CYP4A11: variants seen among roughly 807,000 people sequenced by gnomAD.
CYP4A11 encodes the protein cytochrome P450 4A11.
In CYP4A11, 52 loss-of-function variants were observed where a neutral mutation model predicts 57.7. That is an observed-to-expected ratio of 0.90 (90% confidence interval 0.72 to 1.14). CYP4A11 has a LOEUF of 1.14. Ranked by LOEUF, CYP4A11 falls within the 50% of genes most tolerant of loss-of-function variation. CYP4A11 has a pLI of 0.00. For missense variants in CYP4A11, 641 were observed against 642.1 expected (o/e 1.00, Z 0.02); for synonymous variants, 228 against 247.1 (o/e 0.92, Z 0.72).
chr1:46,933,226 A>T (rs776699271), intron 9 of CYP4A11, among the ~76,000 whole-genome samples, 179 bp from the exon 10 acceptor site: 3 of 152,222 alleles, frequency 2.0e-5, no homozygotes, highest in Admixed American at 6.5e-5. Flanking sequence ...GTGAGTTCAG[A>T]TGATGAATAG....
chr1:46,939,281 C>T (rs943048324), intron 1 of CYP4A11, among the ~76,000 whole-genome samples: 1 of 152,204 alleles, frequency 6.6e-6, no homozygotes, highest in Non-Finnish European at 1.5e-5. Context: ...TCATTCAGCC[C>T]ATGCTTACTG....
chr1:46,941,218 C>A (rs370654389), intron 1 of CYP4A11, 21 bp downstream of exon 1: 2 of 1,605,838 alleles, frequency 1.2e-6, no homozygotes, highest in South Asian at 1.1e-5. Flanking sequence ...CCTCCCACTC[C>A]CCCATTGAGT....
rs1490247194 is a variant in CYP4A11, at chr1:46,935,160, G to A, written c.636-6C>T. 1 of 1,612,950 alleles carries A rather than the reference G, an allele frequency of 6.2e-7. No individual in the cohort carries two copies. The highest frequency in any genetic ancestry group is 8.5e-7 in the Non-Finnish European group (1 of 1,179,142). On this transcript the variant is annotated splice_polypyrimidine_tract_variant and splice_region_variant and intron_variant, in intron 5 of 11. Transcript: ENST00000310638. ...GTATGTAGGACTGAGAATTCCTGAG[G>A]GAGAGTATGAAGAAGGGACTGCAGT...
chr1:46,933,596 G>A (rs1681171516), intron 9 of CYP4A11, among the ~76,000 whole-genome samples: 1 of 152,144 alleles, frequency 6.6e-6, no homozygotes, highest in Non-Finnish European at 1.5e-5. Flanking sequence ...CCCAGGAAAT[G>A]AAATTCCTGA....
At chr1:46,941,047 G>A (rs1379363300) in intron 1 of CYP4A11, 192 bp downstream of exon 1, 14 of 966,172 alleles carry the variant, frequency 1.4e-5, no homozygotes, top group Non-Finnish European at 1.6e-5. Context: ...CTGAGGACCA[G>A]CAGGATGGGC....
chr1:46,935,190 G>C, intron 5 of CYP4A11, 36 bp from the exon 6 acceptor site: 3 of 1,596,870 alleles, frequency 1.9e-6, no homozygotes, highest in Non-Finnish European at 2.6e-6. Context: ...TGCAGTAGGG[G>C]TGGGCCCATT....
intron 11 of CYP4A11, chr1:46,931,661 T>G (rs1169442927): frequency 1.5e-6 from 1 of 678,696 alleles, no homozygotes; most frequent in East Asian, 1.4e-4. Flanking sequence ...CAGGCAATGT[T>G]TAGGAGGACT....
Position 46,934,255 on chromosome 1 carries a change from G to C in CYP4A11, c.1009C>G (p.Leu337Val). ...ASGISWILYA[L>V]ATHPKHQERC... is the part of the protein sequence containing the mutation. Reference sequence around the variant, plus strand: ...TCCTGATGCTTGGGGTGTGTGGCCAGAGCATAGAGGATCCAGGAGATCCCA... The same window carrying C: ...TCCTGATGCTTGGGGTGTGTGGCCACAGCATAGAGGATCCAGGAGATCCCA... The change falls in exon 8 of 12, where the codon CTG (leucine) becomes GTG (valine). Residue 337 changes from leucine to valine, a missense_variant. By Grantham distance (32) the Leu-to-Val change is conservative (BLOSUM62 1). Coordinates refer to ENST00000310638, the MANE Select transcript of CYP4A11 (RefSeq NM_000778.4). 2 of 1,613,552 alleles carry C rather than the reference G, an allele frequency of 1.2e-6. No homozygotes were observed. Among genetic ancestry groups the C allele is most frequent in the Non-Finnish European group, 1.7e-6 (2 of 1,179,780 alleles).
rs376768886 is a variant in CYP4A11, at chr1:46,933,937, A to G, written c.1222+9T>C. 1 of 1,613,948 alleles carries G rather than the reference A, an allele frequency of 6.2e-7. No individual in the cohort carries two copies. The highest frequency in any genetic ancestry group is 1.3e-5 in the African/African-American group (1 of 74,904). ...AGAGTTTAGGTGAGAGGGTGGGGGA[A>G]CTTCATACCTTTGGGCAAGGAGCGC... On this transcript the variant is annotated intron_variant, in intron 9 of 11. Coordinates refer to ENST00000310638, the MANE Select transcript of CYP4A11 (RefSeq NM_000778.4).
intron 11 of CYP4A11, among the ~76,000 whole-genome samples, 175 bp from the exon 12 acceptor site, chr1:46,930,485 A>G (rs963755354): frequency 8.5e-5 from 13 of 152,106 alleles, no homozygotes; most frequent in Admixed American, 1.3e-4. Flanking sequence ...GCTTCACACT[A>G]TCCCAATCCT....
At position 46,932,575 on chromosome 1, in the gene CYP4A11, C is replaced by T. The variant is rs532201460; in HGVS notation, c.1364+186G>A. The T allele has an allele frequency of 2.2e-4, 325 of 1,485,132 alleles. 3 individuals are homozygous for T. The East Asian group carries it at 7.6e-3, about 35-fold the overall frequency. 92.0% of individuals were successfully genotyped at this position (1,485,132 alleles called of 1,614,324 possible). On this transcript the variant is annotated intron_variant, in intron 11 of 11. Transcript: ENST00000310638. ...GAGGGAGCAAAGTCTCCATGGGGTG[C>T]TCTGAATGCCACCTTCCTTTTGTAC...
At chr1:46,934,655 A>G (rs570224858) in intron 6 of CYP4A11, 96 bp from the exon 7 acceptor site, 22 of 1,212,628 alleles carry the variant, frequency 1.8e-5, no homozygotes, top group Middle Eastern at 4.1e-4. Context: ...TGCCTGGTAG[A>G]TCTCAGCATG....
intron 11 of CYP4A11, among the ~76,000 whole-genome samples, chr1:46,931,148 G>T (rs1359764585): frequency 2.0e-5 from 3 of 152,080 alleles, no homozygotes. Context: ...TCCAGCCCAC[G>T]TCCTGGCCCT....
intron 9 of CYP4A11, 154 bp downstream of exon 9, chr1:46,933,792 C>T (rs561131697): frequency 1.1e-5 from 14 of 1,323,374 alleles, no homozygotes; most frequent in African/African-American, 1.5e-5. Flanking sequence ...CCAGACTTTT[C>T]AAATTCTTTA....
At chr1:46,933,820 G>A in intron 9 of CYP4A11, 126 bp downstream of exon 9, 2 of 1,428,526 alleles carry the variant, frequency 1.4e-6, no homozygotes, top group South Asian at 1.5e-5. Flanking sequence ...TACAAAGTAT[G>A]TTTTTGATTT....
At position 46,930,316 on chromosome 1, in the gene CYP4A11, C is replaced by G. The variant is rs372304827; in HGVS notation, c.1365-6G>C. 13 of 1,608,466 alleles carry G rather than the reference C, an allele frequency of 8.1e-6. No homozygotes were observed. In the African/African-American group the frequency reaches 1.1e-4, roughly 13 times the overall value. On this transcript the variant is annotated splice_polypyrimidine_tract_variant and splice_region_variant and intron_variant, in intron 11 of 11. Coordinates refer to ENST00000310638, the MANE Select transcript of CYP4A11 (RefSeq NM_000778.4). ...ATTGTTTCCCGATGCAGTTCCTGGG[C>G]CAGGTGGAGATAATGAATTGAGAAG...
chr1:46,932,345 T>C, intron 11 of CYP4A11: 1 of 1,060,346 alleles, frequency 9.4e-7, no homozygotes, highest in Middle Eastern at 4.6e-4. Context: ...GGGAAGGTAG[T>C]GTGCTGCATT....
Position 46,936,706 on chromosome 1 carries a change from C to T in CYP4A11, c.468G>A (p.Lys156=). The T allele has an allele frequency of 1.2e-6, 2 of 1,613,680 alleles. No individual in the cohort carries two copies. Among genetic ancestry groups the T allele is most frequent in the South Asian group, 1.1e-5 (1 of 90,980 alleles). The part of the protein sequence containing the change: ...LTPAFHYDIL[K]PYVGLMADSV... Reference sequence around the variant, plus strand: ...AGTCTGCCATGAGCCCCACATAGGGCTTCAGGATGTCATAGTGGAAGGCTG... The same window carrying T: ...AGTCTGCCATGAGCCCCACATAGGGTTTCAGGATGTCATAGTGGAAGGCTG... Residue 156 remains lysine, a synonymous_variant, in exon 4 of 12, where the codon AAG becomes AAA. Coordinates refer to ENST00000310638, the MANE Select transcript of CYP4A11 (RefSeq NM_000778.4).
At chr1:46,941,218 C>T (rs370654389) in intron 1 of CYP4A11, 21 bp downstream of exon 1, 369 of 1,605,720 alleles carry the variant, frequency 2.3e-4, no homozygotes, top group Non-Finnish European at 2.9e-4. Context: ...CCTCCCACTC[C>T]CCCATTGAGT....
Sources: allele counts gnomAD v4.1 joint callset (sites outside exome capture counted in the v4.1 genomes callset), GRCh38; gene constraint gnomAD v4.1.1; transcripts MANE v1.5; gene names NCBI Gene and HGNC (gene_info 2026-07-23, HGNC 2026-07-21).